The following CYTH3 variants were observed in gnomAD, a reference collection of about 807,000 sequenced individuals.
CYTH3 encodes cytohesin-3.
CYTH3 carries 23 observed loss-of-function variants against 55.1 expected under a neutral mutation model. The ratio of observed to expected loss-of-function variants is 0.42; its 90% CI spans 0.30 to 0.59. The LOEUF (loss-of-function observed/expected upper bound fraction) is 0.59. Ranked by LOEUF, CYTH3 falls within the 20% of genes least tolerant of loss-of-function variation. The probability of loss-of-function intolerance (pLI) is 0.20; values close to 1 mark genes in which losing one functional copy is unlikely to be tolerated. For synonymous variants in CYTH3, 249 were observed against 194.9 expected (o/e 1.28, Z -2.31); for missense variants, 413 against 524.8 (o/e 0.79, Z 2.08).
rs768308624 is a variant in CYTH3 at position 6,187,110 on chromosome 7, C to T, written c.189G>A (p.Thr63=). Residue 63 remains threonine, a synonymous_variant, in exon 4 of 13, where the codon ACG becomes ACA. Transcript: ENST00000350796. Reference sequence around the variant, plus strand: ...TGGCTATCTGTTTGTTCCTCTGAGTCGTTTTGCTATTGGTGTGAAATAATT... The same window carrying T: ...TGGCTATCTGTTTGTTCCTCTGAGTTGTTTTGCTATTGGTGTGAAATAATT... ...DNLTSVEESK[T]TQRNKQIAMG... is the part of the protein sequence containing the mutation. 1.6e-5 allele frequency: 26 copies of T among 1,613,910 alleles called. No individual in the cohort carries two copies. The highest frequency in any genetic ancestry group is 4.5e-5 in the East Asian group (2 of 44,874).
chr7:6,172,787 G>C (rs977945435), intron 6 of CYTH3: 2 of 1,279,414 alleles, frequency 1.6e-6, no homozygotes, highest in Admixed American at 4.7e-5. Flanking sequence ...TGATAAGCCT[G>C]AACTGCGGCT....
rs375906714 is a variant in CYTH3, at chr7:6,173,645, A to G, written c.449+8T>C. 7.6e-5 allele frequency: 121 copies of G among 1,595,304 alleles called. 2 individuals carry two copies. The African/African-American group carries it at 1.5e-3, about 20-fold the overall frequency. On this transcript the variant is annotated splice_region_variant and intron_variant, in intron 6 of 12. Coordinates refer to ENST00000350796, the MANE Select transcript of CYTH3 (RefSeq NM_004227.4). ...TCCACTCTACACCCAGCAAATGATCATACTTACCTTAAGGCTTGTACAAGG... is the reference window on the plus strand; with the variant it reads ...TCCACTCTACACCCAGCAAATGATCGTACTTACCTTAAGGCTTGTACAAGG...
chr7:6,225,193 T>A (rs1779214940), intron 1 of CYTH3, among the ~76,000 whole-genome samples: 3 of 152,094 alleles, frequency 2.0e-5, no homozygotes, highest in Admixed American at 6.5e-5. Context: ...AAGCCTGAAA[T>A]TAAGACAGTA....
At chr7:6,270,984 C>A (rs1016544553) in intron 1 of CYTH3, among the ~76,000 whole-genome samples, 2 of 152,192 alleles carry the variant, frequency 1.3e-5, no homozygotes, top group African/African-American at 2.4e-5. Context: ...TAATGTCCAA[C>A]GTCTGCATAT....
chr7:6,219,171 C>T (rs972554357), intron 1 of CYTH3, among the ~76,000 whole-genome samples: 1 of 152,030 alleles, frequency 6.6e-6, no homozygotes, highest in Non-Finnish European at 1.5e-5. Context: ...AGAAATGAGC[C>T]ACCTCTTTTT....
rs1782870964 is a variant in CYTH3 at position 6,162,671 on chromosome 7, C to G, written c.*2273G>C. 1 of 152,294 alleles carries G rather than the reference C, an allele frequency of 6.6e-6. No individual in the cohort carries two copies. The highest frequency in any genetic ancestry group is 1.5e-5 in the Non-Finnish European group (1 of 68,092). 9.4% of individuals were successfully genotyped at this position (152,294 alleles called of 1,614,324 possible). ...TGACCACAAAGTACCTGGAGTCTAA[C>G]TCAGCACCACAGCCTCTGCATGGCT... On this transcript the variant is annotated 3_prime_UTR_variant, in exon 13 of 13. Coordinates refer to ENST00000350796, the MANE Select transcript of CYTH3 (RefSeq NM_004227.4).
At chr7:6,256,339 C>G (rs565994384) in intron 1 of CYTH3, among the ~76,000 whole-genome samples, 226 of 152,338 alleles carry the variant, frequency 1.5e-3, no homozygotes, top group African/African-American at 5.0e-3. Context: ...CCAGGCAGGC[C>G]TGCACCAAAC....
chr7:6,173,740 A>G lies in CYTH3; in HGVS notation c.369-7T>C. ...TTTAATATTAAATTCATCCCTGGGA[A>G]AAAAAGAAGTAAGTTTCAAACCTAA... On this transcript the variant is annotated splice_polypyrimidine_tract_variant and splice_region_variant and intron_variant, in intron 5 of 12. Transcript: ENST00000350796. The G allele has an allele frequency of 4.5e-6, 7 of 1,560,256 alleles. No individual in the cohort carries two copies. Among genetic ancestry groups the G allele is most frequent in the Non-Finnish European group, 6.2e-6 (7 of 1,130,852 alleles).
chr7:6,207,734 G>A (rs1261578582), intron 1 of CYTH3, among the ~76,000 whole-genome samples: 3 of 152,116 alleles, frequency 2.0e-5, no homozygotes, highest in Non-Finnish European at 4.4e-5. Context: ...CAGACTGCTT[G>A]AGTTCAGATG....
At chr7:6,165,701 G>C (rs755591853) in intron 10 of CYTH3, 33 bp downstream of exon 10, 79 of 1,613,492 alleles carry the variant, frequency 4.9e-5, no homozygotes, top group Non-Finnish European at 6.4e-5. Context: ...CGGGACTGCT[G>C]GGAGGCGGCA....
intron 1 of CYTH3, among the ~76,000 whole-genome samples, chr7:6,266,132 C>T (rs1368793389): frequency 6.6e-6 from 1 of 152,102 alleles, no homozygotes; most frequent in African/African-American, 2.4e-5. Context: ...CTCACCTGAA[C>T]CACTGCAACA....
At position 6,170,278 on chromosome 7, in the gene CYTH3, C is replaced by G. The variant is rs1783135537; in HGVS notation, c.823+257G>C. 1 of 502,932 alleles carries G rather than the reference C, an allele frequency of 2.0e-6. No homozygotes were observed. Among genetic ancestry groups the G allele is most frequent in the Non-Finnish European group, 3.5e-6 (1 of 284,620 alleles). The allele number at this position is 502,932 out of a possible 1,614,324, so 31.2% of individuals were successfully genotyped here. On this transcript the variant is annotated intron_variant, in intron 9 of 12. Coordinates refer to ENST00000350796, the MANE Select transcript of CYTH3 (RefSeq NM_004227.4). The surrounding 1 kb of genome is among the most constrained non-coding windows in gnomAD (Gnocchi z 7.8). ...AAGCTGCCCTGGCTGGATCTGGATG[C>G]TAACTCAGCAGTTTTCTGGGACGGG...
chr7:6,226,996 T>C (rs1295329402), intron 1 of CYTH3, among the ~76,000 whole-genome samples: 1 of 149,068 alleles, frequency 6.7e-6, no homozygotes, highest in Non-Finnish European at 1.5e-5. Flanking sequence ...AGAAGAACGG[T>C]GTGAACCCGG....
intron 1 of CYTH3, among the ~76,000 whole-genome samples, chr7:6,262,086 T>G (rs1391163168): frequency 6.6e-6 from 1 of 151,978 alleles, no homozygotes; most frequent in Admixed American, 6.6e-5. Flanking sequence ...TCAACAGCAA[T>G]TACAGCTGAA....
intron 4 of CYTH3, among the ~76,000 whole-genome samples, chr7:6,181,658 C>CT (rs1180882647): frequency 6.6e-6 from 1 of 152,140 alleles, no homozygotes; most frequent in Non-Finnish European, 1.5e-5. Context: ...AAGGATTTTT[C>CT]TTAGTTCTAA....
At chr7:6,220,591 A>C (rs866879891) in intron 1 of CYTH3, among the ~76,000 whole-genome samples, 3 of 152,052 alleles carry the variant, frequency 2.0e-5, no homozygotes, top group South Asian at 2.1e-4. Flanking sequence ...AAAAAAAAAA[A>C]AAAACCAAAG....
intron 1 of CYTH3, among the ~76,000 whole-genome samples, chr7:6,235,727 A>C (rs1004966879): frequency 6.6e-6 from 1 of 152,216 alleles, no homozygotes. Flanking sequence ...CTGCTCATTT[A>C]CAATTTTTTC....
chr7:6,171,342 C>T lies in CYTH3; in HGVS notation c.450-28G>A. 2.5e-6 allele frequency: 4 copies of T among 1,609,208 alleles called. No individual in the cohort carries two copies. Among genetic ancestry groups the T allele is most frequent in the Non-Finnish European group, 3.4e-6 (4 of 1,175,902 alleles). The stretch of plus-strand genomic sequence containing the variant: ...GTGGAGACACCAAAGCCATGGGAAG[C>T]CGCATCAGAACCAACACCGCCTCAC... On this transcript the variant is annotated intron_variant, in intron 6 of 12. Coordinates refer to ENST00000350796, the MANE Select transcript of CYTH3 (RefSeq NM_004227.4). This position sits in a 1 kb window ranked among gnomAD's most constrained non-coding sequence, Gnocchi z 6.7.
chr7:6,164,686 C>T lies in CYTH3; in HGVS notation c.*258G>A, dbSNP rs888390677. On this transcript the variant is annotated 3_prime_UTR_variant, in exon 13 of 13. Coordinates refer to ENST00000350796, the MANE Select transcript of CYTH3 (RefSeq NM_004227.4). ...CATGCGCAGCCGACCATGACCCCAG[C>T]CACGGCAGGAGGCCTCGAGGATCAG... 54 of 538,056 alleles carry T rather than the reference C, an allele frequency of 1.0e-4. No homozygotes were observed. The highest frequency in any genetic ancestry group is 1.8e-4 in the Non-Finnish European group (53 of 302,028). The allele number at this position is 538,056 out of a possible 1,614,324, so 33.3% of individuals were successfully genotyped here.
Sources: gnomAD v4.1 joint callset for allele counts (sites outside exome capture counted in the v4.1 genomes callset) on GRCh38, gnomAD v4.1.1 for gene constraint, Gnocchi (gnomAD v3.1) non-coding constraint, MANE v1.5 for transcripts, NCBI Gene and HGNC (gene_info 2026-07-23, HGNC 2026-07-21) for gene names.